Variants in WIPF1 observed in about 807,000 individuals in gnomAD.
The protein encoded by WIPF1 is WAS/WASL interacting protein family member 1, also known as WAS/WASL-interacting protein family member 1.
A neutral mutation model predicts 35.4 loss-of-function variants in WIPF1; 13 were observed. The observed-to-expected ratio is 0.37, with a 90% CI of 0.24 to 0.58. The LOEUF (loss-of-function observed/expected upper bound fraction) is 0.58. Ranked by LOEUF, WIPF1 falls within the 20% of genes least tolerant of loss-of-function variation. The pLI is 0.74. For synonymous variants in WIPF1, 267 were observed against 266.3 expected (o/e 1.00, Z -0.02); for missense variants, 591 against 667.0 (o/e 0.89, Z 1.25).
At chr2:174,635,554 T>TG (rs1687164753) in intron 1 of WIPF1, among the ~76,000 whole-genome samples, 1 of 146,930 alleles carries the variant, frequency 6.8e-6, no homozygotes, top group Non-Finnish European at 1.5e-5. Flanking sequence ...TTTTTTTTTT[T>TG]GTGATTCTCT....
chr2:174,657,274 T>A (rs1418337709), intron 1 of WIPF1, among the ~76,000 whole-genome samples: 2 of 152,264 alleles, frequency 1.3e-5, no homozygotes, highest in Non-Finnish European at 2.9e-5. Context: ...TAACGTATTA[T>A]ACTGGACTAA....
intron 1 of WIPF1, among the ~76,000 whole-genome samples, chr2:174,636,529 T>C (rs797002475): frequency 1.4e-4 from 21 of 152,324 alleles, no homozygotes; most frequent in African/African-American, 4.6e-4. Context: ...TAGTGATACA[T>C]AATTATTAAC....
At chr2:174,563,635 C>T (rs192391107) in intron 7 of WIPF1, among the ~76,000 whole-genome samples, 4 of 152,254 alleles carry the variant, frequency 2.6e-5, no homozygotes, top group Non-Finnish European at 4.4e-5. Context: ...AGGCTTAAAA[C>T]CCATTCACAT....
intron 1 of WIPF1, among the ~76,000 whole-genome samples, chr2:174,662,785 G>C (rs1687806607): frequency 6.6e-6 from 1 of 152,188 alleles, no homozygotes; most frequent in South Asian, 2.1e-4. Context: ...TCCCTGCTAA[G>C]AGTCTTTTGG....
At chr2:174,609,478 T>C (rs992289364) in intron 1 of WIPF1, among the ~76,000 whole-genome samples, 4 of 152,218 alleles carry the variant, frequency 2.6e-5, no homozygotes, top group African/African-American at 9.6e-5. Context: ...GAGCCTGCAA[T>C]GGCAGCTGTC....
intron 1 of WIPF1, among the ~76,000 whole-genome samples, chr2:174,604,345 C>T (rs1175377346): frequency 6.6e-6 from 1 of 152,236 alleles, no homozygotes; most frequent in Non-Finnish European, 1.5e-5. Flanking sequence ...AAAAGGCCAT[C>T]TCTTCATTTA....
intron 1 of WIPF1, among the ~76,000 whole-genome samples, chr2:174,610,760 T>C (rs1686317410): frequency 1.3e-5 from 2 of 152,170 alleles, no homozygotes; most frequent in Middle Eastern, 6.8e-3. Flanking sequence ...TAGCCCGACA[T>C]AACCTCCACC....
chr2:174,585,458 C>T (rs1685381654), intron 2 of WIPF1, 65 bp downstream of exon 2: 19 of 1,489,744 alleles, frequency 1.3e-5, no homozygotes, highest in South Asian at 4.5e-5. Flanking sequence ...AACACATGCA[C>T]GCCAGGTTTT....
At chr2:174,670,374 CT>C (rs1002385822) in intron 1 of WIPF1, among the ~76,000 whole-genome samples, 11 of 152,330 alleles carry the variant, frequency 7.2e-5, no homozygotes, top group African/African-American at 2.6e-4. Flanking sequence ...TAGGATTCTG[CT>C]ATGCTCTCTT....
chr2:174,681,749 G>A (rs1341744380), intron 1 of WIPF1, among the ~76,000 whole-genome samples: 1 of 152,138 alleles, frequency 6.6e-6, no homozygotes, highest in African/African-American at 2.4e-5. Flanking sequence ...TTCAGTAAAA[G>A]GGACCAAGTC....
At chr2:174,598,956 T>A (rs1685907341), upstream of WIPF1, among the ~76,000 whole-genome samples, 1 of 152,196 alleles carries the variant, frequency 6.6e-6, no homozygotes, top group Admixed American at 6.5e-5. Flanking sequence ...GACTTACATA[T>A]GCAACACATA....
intron 1 of WIPF1, among the ~76,000 whole-genome samples, chr2:174,595,109 A>AATATATATATAT (rs1158052520): frequency 1.4e-4 from 8 of 57,740 alleles, no homozygotes; most frequent in African/African-American, 7.2e-4. Context: ...AAAAAAAAAA[A>AATATATATATAT]ATATATATAT....
At chr2:174,607,313 G>C (rs2105892545) in intron 1 of WIPF1, among the ~76,000 whole-genome samples, 1 of 152,250 alleles carries the variant, frequency 6.6e-6, no homozygotes, top group South Asian at 2.1e-4. Flanking sequence ...TGAGGTAGGA[G>C]AATGGAGTGA....
At chr2:174,631,525 T>C (rs1457059497) in intron 1 of WIPF1, among the ~76,000 whole-genome samples, 1 of 152,210 alleles carries the variant, frequency 6.6e-6, no homozygotes, top group Non-Finnish European at 1.5e-5. Flanking sequence ...TAAAGAGTTC[T>C]GGAGATTGGT....
In WIPF1 at chr2:174,571,672, A is replaced by G; in HGVS notation, c.1129+4T>C. ...GAAGCAACTCACTCCACGTCTTGTC[A>G]TACCTGATCGGCCTGGCGGGTCCCT... On this transcript the variant is annotated splice_donor_region_variant and intron_variant, in intron 5 of 7. Transcript: ENST00000679041. The surrounding 1 kb of genome is among the most constrained non-coding windows in gnomAD (Gnocchi z 4.6). 1.9e-6 allele frequency: 3 copies of G among 1,614,180 alleles called. No homozygotes were observed. Among genetic ancestry groups the G allele is most frequent in the Non-Finnish European group, 2.5e-6 (3 of 1,180,040 alleles).
intron 1 of WIPF1, among the ~76,000 whole-genome samples, chr2:174,674,035 G>A (rs541327225): frequency 1.4e-4 from 21 of 152,076 alleles, no homozygotes; most frequent in Non-Finnish European, 2.5e-4. Flanking sequence ...TAGTTATTCC[G>A]TTCCTATAAA....
chr2:174,635,538 T>TG (rs202028589), intron 1 of WIPF1, among the ~76,000 whole-genome samples: 256 of 142,750 alleles, frequency 1.8e-3, no homozygotes, highest in East Asian at 9.2e-3. Context: ...TGTTTTTTTT[T>TG]TTTTTTTTTT....
At chr2:174,670,343 G>A (rs1170647539) in intron 1 of WIPF1, among the ~76,000 whole-genome samples, 1 of 152,128 alleles carries the variant, frequency 6.6e-6, no homozygotes, top group Admixed American at 6.5e-5. Context: ...AGCTGACAGG[G>A]AGCACAGGGA....
chr2:174,654,589 CTT>C (rs1687604614), intron 1 of WIPF1, among the ~76,000 whole-genome samples: 1 of 151,812 alleles, frequency 6.6e-6, no homozygotes, highest in Admixed American at 6.6e-5. Context: ...CCCCCTTTCT[CTT>C]TGCCTTTTCT....
Sources: gnomAD v4.1 joint callset for allele counts (sites outside exome capture counted in the v4.1 genomes callset) on GRCh38, gnomAD v4.1.1 for gene constraint, Gnocchi (gnomAD v3.1) non-coding constraint, MANE v1.5 for transcripts, NCBI Gene and HGNC (gene_info 2026-07-23, HGNC 2026-07-21) for gene names.